The following SLC35F1 variants were observed in gnomAD, a reference collection of about 807,000 sequenced individuals.
SLC35F1 encodes the protein solute carrier family 35 member F1.
In SLC35F1, 14 loss-of-function variants were observed where a neutral mutation model predicts 48.7. That is an observed-to-expected ratio of 0.29 (90% CI 0.19 to 0.45). The LOEUF is 0.45. SLC35F1 is among the 20% of genes least tolerant of loss of function. SLC35F1 has a pLI of 1.00. For missense variants in SLC35F1, 404 were observed against 500.0 expected (o/e 0.81, Z 1.83); for synonymous variants, 190 against 202.2 (o/e 0.94, Z 0.51).
intron 1 of SLC35F1, among the ~76,000 whole-genome samples, chr6:118,033,627 T>C (rs1420869105): frequency 1.4e-5 from 2 of 138,292 alleles, no homozygotes; most frequent in South Asian, 2.3e-4. Flanking sequence ...TTTTTTTTTT[T>C]CATCTTTTAT....
chr6:118,249,835 G>A (rs80316510), intron 3 of SLC35F1, among the ~76,000 whole-genome samples: 1 of 152,060 alleles, frequency 6.6e-6, no homozygotes, highest in South Asian at 2.1e-4. Context: ...CCATGACTGG[G>A]CATTTCCTGA....
chr6:118,287,854 A>G (rs1331782818), intron 7 of SLC35F1, among the ~76,000 whole-genome samples: 1 of 152,178 alleles, frequency 6.6e-6, no homozygotes, highest in East Asian at 1.9e-4. Flanking sequence ...GTATATTACT[A>G]TTCATTGAGG....
At chr6:117,959,110 C>T (rs1000372709) in intron 1 of SLC35F1, among the ~76,000 whole-genome samples, 6 of 152,200 alleles carry the variant, frequency 3.9e-5, no homozygotes, top group African/African-American at 1.4e-4. Flanking sequence ...TCAATTTCTT[C>T]ATTTATAAAA....
intron 1 of SLC35F1, among the ~76,000 whole-genome samples, chr6:118,120,858 T>G (rs1773543771): frequency 6.6e-6 from 1 of 152,152 alleles, no homozygotes; most frequent in Admixed American, 6.5e-5. Context: ...GCCAGGACTC[T>G]CAATGTAGAA....
At chr6:117,930,770 C>G (rs537633792) in intron 1 of SLC35F1, among the ~76,000 whole-genome samples, 560 of 152,276 alleles carry the variant, frequency 3.7e-3, no homozygotes, top group Non-Finnish European at 5.5e-3. Context: ...TAACTCACTG[C>G]AGTTCCTGGT....
chr6:118,179,350 T>C (rs2114507606), intron 2 of SLC35F1, among the ~76,000 whole-genome samples: 1 of 152,214 alleles, frequency 6.6e-6, no homozygotes, highest in South Asian at 2.1e-4. Context: ...AGTCTCTTCA[T>C]CCAAAAGCCT....
At chr6:118,103,416 G>A (rs1462996589) in intron 1 of SLC35F1, among the ~76,000 whole-genome samples, 3 of 152,122 alleles carry the variant, frequency 2.0e-5, no homozygotes, top group Admixed American at 1.3e-4. Flanking sequence ...GTGCCATTTG[G>A]CTCTCCTGCC....
chr6:118,091,968 T>G (rs939001891), intron 1 of SLC35F1, among the ~76,000 whole-genome samples: 2 of 152,046 alleles, frequency 1.3e-5, no homozygotes, highest in Non-Finnish European at 2.9e-5. Context: ...GAGAGATGAT[T>G]TAGGGTATCT....
chr6:117,958,528 A>G lies in SLC35F1; in HGVS notation c.173+50629A>G, dbSNP rs374426250. ...TGTACCATTTTTTGTCTTTTATACC[A>G]TATTTTTTCTGTACCTTTTCTATAT... is the stretch of plus-strand genomic sequence containing the variant. On this transcript the variant is annotated intron_variant, in intron 1 of 7. Coordinates refer to ENST00000360388, the MANE Select transcript of SLC35F1 (RefSeq NM_001029858.4). Among the ~76,000 whole-genome samples, 9 of 152,148 alleles carry G rather than the reference A, an allele frequency of 5.9e-5. 1 individual carries two copies. The East Asian group carries it at 9.6e-4, about 16-fold the overall frequency.
At chr6:118,218,741 C>T (rs1775107151) in intron 2 of SLC35F1, among the ~76,000 whole-genome samples, 1 of 152,116 alleles carries the variant, frequency 6.6e-6, no homozygotes, top group African/African-American at 2.4e-5. Flanking sequence ...ATTTTGGTTC[C>T]CAAGGGTTCA....
At chr6:118,140,283 AAT>A (rs1773865040) in intron 1 of SLC35F1, among the ~76,000 whole-genome samples, 1 of 152,214 alleles carries the variant, frequency 6.6e-6, no homozygotes, top group African/African-American at 2.4e-5. Context: ...TAGGCTTCAT[AAT>A]GATTAGAGTC....
At chr6:117,950,304 G>GAT (rs1776347172) in intron 1 of SLC35F1, among the ~76,000 whole-genome samples, 1 of 152,134 alleles carries the variant, frequency 6.6e-6, no homozygotes. Context: ...CTAGATTTTG[G>GAT]ATGCTTGTGG....
chr6:118,000,217 G>A (rs9387533), intron 1 of SLC35F1, among the ~76,000 whole-genome samples: 146,621 of 152,218 alleles, frequency 0.96, 70,623 homozygotes, highest in South Asian at 0.99. Flanking sequence ...ACTGGCAAAC[G>A]GAATCCAGCA....
chr6:118,171,151 C>T (rs945588690), intron 2 of SLC35F1, among the ~76,000 whole-genome samples: 2 of 152,126 alleles, frequency 1.3e-5, no homozygotes. Context: ...ATCCTCCTAC[C>T]TTAGCCTCCC....
intron 1 of SLC35F1, among the ~76,000 whole-genome samples, chr6:117,938,917 G>A (rs913645286): frequency 6.6e-6 from 1 of 151,552 alleles, no homozygotes; most frequent in Admixed American, 6.6e-5. Flanking sequence ...TGTTTTACAG[G>A]CAGTCCCCTC....
rs139091317 is a variant in SLC35F1 at position 118,144,503 on chromosome 6, T to C, written c.174-9942T>C. 8.7e-3 allele frequency among the ~76,000 whole-genome samples: 1,314 copies of C among 150,708 alleles called. 18 individuals carry two copies. The highest frequency in any genetic ancestry group is 0.03 in the African/African-American group (1,243 of 40,942). Reference sequence around the variant, plus strand: ...CATGCTGGGCTTAATACCTAGGTGATAGGTTGATAGGTGCAGCAAACCACC... The same window carrying C: ...CATGCTGGGCTTAATACCTAGGTGACAGGTTGATAGGTGCAGCAAACCACC... On this transcript the variant is annotated intron_variant, in intron 1 of 7. Transcript: ENST00000360388.
chr6:118,125,684 C>A (rs1249709226), intron 1 of SLC35F1, among the ~76,000 whole-genome samples: 2 of 152,178 alleles, frequency 1.3e-5, no homozygotes, highest in Non-Finnish European at 2.9e-5. Context: ...ACTAGACCCC[C>A]AAGCTGGTTC....
At chr6:117,982,027 G>C (rs960903292) in intron 1 of SLC35F1, among the ~76,000 whole-genome samples, 2 of 152,072 alleles carry the variant, frequency 1.3e-5, no homozygotes, top group Admixed American at 1.3e-4. Context: ...ACAGCTCCAT[G>C]CTTATGCTTT....
At chr6:118,035,833 CG>C (rs1261950931) in intron 1 of SLC35F1, among the ~76,000 whole-genome samples, 20 of 3,968 alleles carry the variant, frequency 5.0e-3, no homozygotes, top group Middle Eastern at 0.071. Flanking sequence ...GGACTACAGG[CG>C]CCCCCCCAAC....
Sources: gnomAD v4.1 joint callset for allele counts (sites outside exome capture counted in the v4.1 genomes callset) on GRCh38, gnomAD v4.1.1 for gene constraint, MANE v1.5 for transcripts, NCBI Gene and HGNC (gene_info 2026-07-23, HGNC 2026-07-21) for gene names.